MRTFB: variants seen among roughly 807,000 people sequenced by gnomAD.
MRTFB encodes the protein myocardin related transcription factor B.
A neutral mutation model predicts 104.2 loss-of-function variants in MRTFB; 29 were observed. The ratio of observed to expected loss-of-function variants is 0.28; its 90% confidence interval spans 0.21 to 0.38. The LOEUF (loss-of-function observed/expected upper bound fraction) is 0.38. Among genes scored for constraint, MRTFB ranks in the 10% least tolerant of loss-of-function variants. The pLI, the probability that MRTFB is intolerant of heterozygous loss-of-function variation, is 1.00. For synonymous variants in MRTFB, 535 were observed against 519.5 expected, an observed-to-expected ratio of 1.03 and a Z score of -0.41; for missense variants, 1,270 against 1,341.6, an observed-to-expected ratio of 0.95 and a Z score of 0.83.
chr16:14,047,879 C>A, the MRTFB span, among the ~76,000 whole-genome samples: 1 of 152,198 alleles, frequency 6.6e-6, no homozygotes, highest in African/African-American at 2.4e-5. Context: ...CATGTCCTCA[C>A]ATTTTAAAAC....
intron 3 of MRTFB, among the ~76,000 whole-genome samples, chr16:14,155,106 C>T (rs1408968168): frequency 6.6e-6 from 1 of 152,036 alleles, no homozygotes; most frequent in Non-Finnish European, 1.5e-5. Flanking sequence ...ATTTTTTTGT[C>T]TTATGTGTTC....
At chr16:14,011,621 CACGCCTGTAATCCCAGCACTT>C in the MRTFB span, among the ~76,000 whole-genome samples, 1 of 152,290 alleles carries the variant, frequency 6.6e-6, no homozygotes, top group East Asian at 1.9e-4. Flanking sequence ...TGTGGTGGCT[CACGCCTGTAATCCCAGCACTT>C]TGGGAGGCTG....
Position 14,221,006 on chromosome 16 carries a change from CTTA to C in MRTFB, c.693+2013_693+2015del, listed in dbSNP as rs554536128. ...ATAAGTAAGGAATCTGACAAAGATT[CTTA>C]TTATACTTTTATTCATGTAATTAAA... On this transcript the variant is annotated intron_variant, in intron 8 of 16. Transcript: ENST00000571589. Among the ~76,000 whole-genome samples, 241 of 152,246 alleles carry C rather than the reference CTTA, an allele frequency of 1.6e-3. 1 individual carries two copies. The highest frequency in any genetic ancestry group is 5.3e-4 in the Non-Finnish European group (36 of 68,010).
At chr16:13,997,541 T>C in the MRTFB span, among the ~76,000 whole-genome samples, 1 of 151,978 alleles carries the variant, frequency 6.6e-6, no homozygotes, top group Admixed American at 6.6e-5. Flanking sequence ...ATGCCTTTAA[T>C]CTTAACACTT....
chr16:14,200,408 G>A (rs1211498279), intron 3 of MRTFB: 3 of 1,607,996 alleles, frequency 1.9e-6, no homozygotes, highest in African/African-American at 2.7e-5. Context: ...ACTGTTTGAT[G>A]CGGAAGAGGA....
chr16:14,043,236 T>C, the MRTFB span, among the ~76,000 whole-genome samples: 1 of 152,214 alleles, frequency 6.6e-6, no homozygotes, highest in Non-Finnish European at 1.5e-5. Context: ...TACTTCCATA[T>C]GTGTTGCTGG....
At chr16:14,229,740 G>A (rs1375582574) in intron 8 of MRTFB, among the ~76,000 whole-genome samples, 1 of 151,904 alleles carries the variant, frequency 6.6e-6, no homozygotes, top group Admixed American at 6.6e-5. Flanking sequence ...GATCAACAGT[G>A]CCTTTTTAGT....
intron 3 of MRTFB, among the ~76,000 whole-genome samples, chr16:14,201,669 G>A (rs1030472301): frequency 6.6e-6 from 1 of 152,144 alleles, no homozygotes; most frequent in Non-Finnish European, 1.5e-5. Flanking sequence ...TTTACAGAAA[G>A]GATAGCTAGA....
chr16:14,227,531 A>AGAT (rs1325265102), intron 8 of MRTFB, among the ~76,000 whole-genome samples: 1 of 151,916 alleles, frequency 6.6e-6, no homozygotes, highest in Non-Finnish European at 1.5e-5. Flanking sequence ...TGTTTTTTTG[A>AGAT]GATGGAGTCT....
intron 2 of MRTFB, among the ~76,000 whole-genome samples, chr16:14,118,528 G>A (rs2036664492): frequency 6.6e-6 from 1 of 151,684 alleles, no homozygotes; most frequent in Admixed American, 6.6e-5. Flanking sequence ...GGCCTGGCGT[G>A]GTGGCTTAAT....
chr16:14,053,537 T>C, the MRTFB span, among the ~76,000 whole-genome samples: 8 of 151,696 alleles, frequency 5.3e-5, no homozygotes, highest in East Asian at 1.9e-4. Flanking sequence ...TCGAGACCAG[T>C]CTGGCCAACA....
intron 8 of MRTFB, among the ~76,000 whole-genome samples, chr16:14,224,627 CTA>C (rs1435844925): frequency 6.6e-6 from 1 of 152,182 alleles, no homozygotes; most frequent in Non-Finnish European, 1.5e-5. Context: ...CTCAATAAGA[CTA>C]TCAGTGGATT....
intron 6 of MRTFB, among the ~76,000 whole-genome samples, chr16:14,215,237 T>A (rs187652062): frequency 1.3e-5 from 2 of 152,368 alleles, no homozygotes; most frequent in East Asian, 3.9e-4. Context: ...TATTTATGAA[T>A]TAACCATAAG....
the MRTFB span, among the ~76,000 whole-genome samples, chr16:14,030,732 A>T: frequency 6.6e-6 from 1 of 152,204 alleles, no homozygotes; most frequent in Non-Finnish European, 1.5e-5. Flanking sequence ...AGCCGATCCA[A>T]TCAGGCAGCC....
chr16:13,998,864 T>C, the MRTFB span, among the ~76,000 whole-genome samples: 3 of 96,108 alleles, frequency 3.1e-5, no homozygotes, highest in Admixed American at 1.6e-4. Flanking sequence ...AGAGTGAGAC[T>C]CTGTTTCAAA....
intron 3 of MRTFB, chr16:14,152,343 A>G (rs1440926507): frequency 6.6e-6 from 1 of 151,972 alleles, no homozygotes; most frequent in African/African-American, 2.4e-5. Flanking sequence ...TACATATGAT[A>G]TACATATATC....
chr16:14,023,675 G>GTGTGTGTA, the MRTFB span, among the ~76,000 whole-genome samples: 1 of 145,070 alleles, frequency 6.9e-6, no homozygotes, highest in African/African-American at 2.5e-5. Context: ...GTGTGTGTGT[G>GTGTGTGTA]TCTATATATA....
intron 15 of MRTFB, among the ~76,000 whole-genome samples, chr16:14,257,855 G>A (rs1379844802): frequency 6.6e-6 from 1 of 152,056 alleles, no homozygotes; most frequent in East Asian, 1.9e-4. Context: ...GCAATTCAGT[G>A]ATAGAAAAAA....
At chr16:14,212,815 C>T (rs962497810) in intron 5 of MRTFB, among the ~76,000 whole-genome samples, 4 of 152,172 alleles carry the variant, frequency 2.6e-5, no homozygotes, top group Non-Finnish European at 4.4e-5. Flanking sequence ...GTTACCTGTA[C>T]ATTTGACCAA....
Sources: allele counts gnomAD v4.1 joint callset (sites outside exome capture counted in the v4.1 genomes callset), GRCh38; gene constraint gnomAD v4.1.1; transcripts MANE v1.5; gene names NCBI Gene and HGNC (gene_info 2026-07-23, HGNC 2026-07-21).